Variants in XKR4 observed in about 807,000 individuals in gnomAD.
XKR4 encodes XK-related protein 4.
In XKR4, 12 loss-of-function variants were observed where a neutral mutation model predicts 53.9. The ratio of observed to expected loss-of-function variants is 0.22; its 90% confidence interval spans 0.14 to 0.36. The LOEUF (loss-of-function observed/expected upper bound fraction) is 0.36. Ranked by LOEUF, XKR4 falls within the 10% of genes least tolerant of loss-of-function variation. The pLI, the probability that XKR4 is intolerant of heterozygous loss-of-function variation, is 1.00. For missense variants in XKR4, 799 were observed against 859.5 expected (o/e 0.93, Z 0.88); for synonymous variants, 354 against 362.4 (o/e 0.98, Z 0.26).
chr8:55,360,943 T>C (rs2129384708), intron 2 of XKR4, among the ~76,000 whole-genome samples: 1 of 152,284 alleles, frequency 6.6e-6, no homozygotes, highest in East Asian at 1.9e-4. Flanking sequence ...GTTTCTCCAT[T>C]TGCACTGGCC....
At chr8:55,154,964 C>T (rs1322817085) in intron 1 of XKR4, among the ~76,000 whole-genome samples, 2 of 152,088 alleles carry the variant, frequency 1.3e-5, no homozygotes, top group East Asian at 1.9e-4. Context: ...AATCAGGGAA[C>T]GTCAGTATAA....
At chr8:55,210,019 A>G (rs1163389518) in intron 1 of XKR4, among the ~76,000 whole-genome samples, 1 of 151,904 alleles carries the variant, frequency 6.6e-6, no homozygotes, top group Non-Finnish European at 1.5e-5. Flanking sequence ...TGATGAACTC[A>G]TATTGGTGTC....
intron 2 of XKR4, among the ~76,000 whole-genome samples, chr8:55,464,739 A>AT (rs1244231531): frequency 6.6e-6 from 1 of 152,094 alleles, no homozygotes. Context: ...AGAAAACCCC[A>AT]TTTTCTCAGC....
At chr8:55,465,953 G>A (rs1169904700) in intron 2 of XKR4, among the ~76,000 whole-genome samples, 1 of 152,160 alleles carries the variant, frequency 6.6e-6, no homozygotes, top group East Asian at 1.9e-4. Context: ...TCTCACACCA[G>A]TTAGAATGGT....
chr8:55,361,139 A>G (rs1010677975), intron 2 of XKR4, among the ~76,000 whole-genome samples: 6 of 152,220 alleles, frequency 3.9e-5, no homozygotes, highest in East Asian at 1.9e-4. Context: ...ACACACCAGG[A>G]GGCCCGACTG....
At chr8:55,103,864 T>C (rs1422549037) in intron 1 of XKR4, among the ~76,000 whole-genome samples, 2 of 121,384 alleles carry the variant, frequency 1.6e-5, no homozygotes, top group East Asian at 2.2e-4. Context: ...TATATATATA[T>C]ATATATATAT....
intron 1 of XKR4, among the ~76,000 whole-genome samples, chr8:55,305,389 A>G (rs1005093599): frequency 6.6e-6 from 1 of 151,994 alleles, no homozygotes; most frequent in South Asian, 2.1e-4. Flanking sequence ...TGCTCTAGGG[A>G]CCCAGAGAAA....
At chr8:55,354,239 T>C (rs1356145532) in intron 1 of XKR4, among the ~76,000 whole-genome samples, 1 of 152,070 alleles carries the variant, frequency 6.6e-6, no homozygotes, top group Non-Finnish European at 1.5e-5. Flanking sequence ...AGGAGAGATA[T>C]GGAGGGAGGG....
chr8:55,186,433 A>G (rs1817377903), intron 1 of XKR4, among the ~76,000 whole-genome samples: 1 of 152,150 alleles, frequency 6.6e-6, no homozygotes, highest in African/African-American at 2.4e-5. Context: ...AGGAGGGCGG[A>G]TCACGAGGTC....
chr8:55,446,382 C>A (rs1307798551), intron 2 of XKR4, among the ~76,000 whole-genome samples: 1 of 152,026 alleles, frequency 6.6e-6, no homozygotes, highest in Non-Finnish European at 1.5e-5. Flanking sequence ...CACTTTGTAG[C>A]CCAAGCTAAA....
chr8:55,254,107 G>A (rs1377144884), intron 1 of XKR4, among the ~76,000 whole-genome samples: 1 of 151,926 alleles, frequency 6.6e-6, no homozygotes, highest in Non-Finnish European at 1.5e-5. Context: ...AGCGCTTGCT[G>A]TAGTGAAGTT....
intron 1 of XKR4, among the ~76,000 whole-genome samples, chr8:55,135,889 C>CTTTTTTTT (rs71256514): frequency 6.8e-6 from 1 of 146,024 alleles, no homozygotes; most frequent in Non-Finnish European, 1.5e-5. Context: ...AACATGCTCA[C>CTTTTTTTT]TTTTTTTTTT....
intron 2 of XKR4, among the ~76,000 whole-genome samples, chr8:55,474,180 G>C (rs984882872): frequency 4.6e-5 from 7 of 152,068 alleles, no homozygotes; most frequent in African/African-American, 1.7e-4. Context: ...AACACACTGG[G>C]ATTACAGGCA....
intron 1 of XKR4, among the ~76,000 whole-genome samples, chr8:55,173,860 C>T (rs1279199326): frequency 2.0e-5 from 3 of 152,152 alleles, no homozygotes; most frequent in Non-Finnish European, 4.4e-5. Context: ...CATTTACACA[C>T]TTAGTGCTCT....
chr8:55,352,194 G>A (rs1427970904), intron 1 of XKR4, among the ~76,000 whole-genome samples: 1 of 152,226 alleles, frequency 6.6e-6, no homozygotes, highest in East Asian at 1.9e-4. Context: ...ACCCGGGTGG[G>A]GAGAGAGGCC....
chr8:55,207,562 A>G (rs1257040176), intron 1 of XKR4, among the ~76,000 whole-genome samples: 1 of 152,020 alleles, frequency 6.6e-6, no homozygotes, highest in Non-Finnish European at 1.5e-5. Context: ...CCTAGCCCCA[A>G]TCCTTCCTCA....
intron 2 of XKR4, among the ~76,000 whole-genome samples, chr8:55,458,206 T>A (rs998480616): frequency 2.0e-5 from 3 of 152,248 alleles, no homozygotes; most frequent in African/African-American, 7.2e-5. Flanking sequence ...ACAAATTTGG[T>A]AAATGTATAT....
intron 2 of XKR4, among the ~76,000 whole-genome samples, chr8:55,506,827 A>G (rs1806531702): frequency 6.6e-6 from 1 of 152,200 alleles, no homozygotes; most frequent in Non-Finnish European, 1.5e-5. Context: ...CATTTATTGC[A>G]CTCCATGGAA....
intron 1 of XKR4, among the ~76,000 whole-genome samples, chr8:55,301,161 A>G (rs1819188563): frequency 1.3e-5 from 1 of 79,014 alleles, no homozygotes; most frequent in African/African-American, 5.9e-5. Context: ...CCACCCCACA[A>G]CAGACCCCGG....
Sources: allele counts gnomAD v4.1 joint callset (sites outside exome capture counted in the v4.1 genomes callset), GRCh38; gene constraint gnomAD v4.1.1; transcripts MANE v1.5; gene names NCBI Gene and HGNC (gene_info 2026-07-23, HGNC 2026-07-21).